The following POC1A variants were observed in gnomAD, a reference collection of about 807,000 sequenced individuals.
The protein encoded by POC1A is POC1 centriolar protein A.
A neutral mutation model predicts 47.8 loss-of-function variants in POC1A; 34 were observed. The ratio of observed to expected loss-of-function variants is 0.71; its 90% CI spans 0.54 to 0.95. POC1A has a LOEUF of 0.95. Ranked by LOEUF, POC1A falls within the 40% of genes least tolerant of loss-of-function variation. The pLI, the probability that POC1A is intolerant of heterozygous loss-of-function variation, is 0.00. For synonymous variants in POC1A, 177 were observed against 207.6 expected, an observed-to-expected ratio of 0.85 and a Z score of 1.27; for missense variants, 466 against 528.3, an observed-to-expected ratio of 0.88 and a Z score of 1.16.
At chr3:52,146,925 A>G (rs1577922249) in intron 5 of POC1A, 63 bp downstream of exon 5, 1 of 1,362,420 alleles carries the variant, frequency 7.3e-7, no homozygotes, top group East Asian at 2.3e-5. Flanking sequence ...GGGCCTCCTC[A>G]TGCCCAGGTC....
intron 8 of POC1A, among the ~76,000 whole-genome samples, chr3:52,123,163 T>A (rs1174191680): frequency 6.6e-6 from 1 of 152,152 alleles, no homozygotes; most frequent in East Asian, 1.9e-4. Context: ...ACACAGGAAG[T>A]ACTCAGCAAC....
rs760407202 is a variant in POC1A at position 52,084,710 on chromosome 3, C to T, written c.1126-8725G>A. Among the ~76,000 whole-genome samples, 11 of 152,246 alleles carry T rather than the reference C, an allele frequency of 7.2e-5. No individual in the cohort carries two copies. The highest frequency in any genetic ancestry group is 1.0e-4 in the Non-Finnish European group (7 of 68,040). ...CCCCTCTTCCCAGGGGCCTCCTGCTCACCTTGGCCAGGGCCCTTCCCCATA... is the reference window on the plus strand; with the variant it reads ...CCCCTCTTCCCAGGGGCCTCCTGCTTACCTTGGCCAGGGCCCTTCCCCATA... On this transcript the variant is annotated intron_variant, in intron 10 of 10. Transcript: ENST00000296484. The surrounding 1 kb of genome is among the most constrained non-coding windows in gnomAD (Gnocchi z 4.3).
At chr3:52,088,082 A>G (rs1171098289) in intron 10 of POC1A, among the ~76,000 whole-genome samples, 1 of 152,190 alleles carries the variant, frequency 6.6e-6, no homozygotes. Flanking sequence ...TTAGTTAACT[A>G]CTTTCCCAAG....
rs1403345677 is a variant in POC1A at position 52,087,103 on chromosome 3, G to C, written c.1125+9466C>G. On this transcript the variant is annotated intron_variant, in intron 10 of 10. Transcript: ENST00000296484. The stretch of plus-strand genomic sequence containing the variant: ...GCTTGAAGGGATAGAGGGAGAGTGG[G>C]GCGGGCAGTAGGAGGGGCAGGCCCC... Among the ~76,000 whole-genome samples the C allele has an allele frequency of 2.0e-5, 3 of 152,232 alleles. No homozygotes were observed. In the South Asian group the frequency reaches 6.2e-4, roughly 32 times the overall value.
intron 4 of POC1A, among the ~76,000 whole-genome samples, chr3:52,147,593 C>T (rs1287119336): frequency 6.6e-6 from 1 of 151,818 alleles, no homozygotes; most frequent in Non-Finnish European, 1.5e-5. Context: ...ACCACCACAC[C>T]CAGCTAATTT....
intron 5 of POC1A, 90 bp from the exon 6 acceptor site, chr3:52,146,051 G>A (rs1034022411): frequency 1.3e-6 from 1 of 744,240 alleles, no homozygotes; most frequent in African/African-American, 1.7e-5. Context: ...CCATCCCTGT[G>A]TCCTGCCCAC....
chr3:52,077,429 G>A (rs1702152006), intron 10 of POC1A, among the ~76,000 whole-genome samples: 1 of 152,262 alleles, frequency 6.6e-6, no homozygotes, highest in South Asian at 2.1e-4. Context: ...CATGGAGGGT[G>A]CTCCGCCTGG....
chr3:52,108,522 A>G (rs894260675), intron 9 of POC1A, among the ~76,000 whole-genome samples: 3 of 152,176 alleles, frequency 2.0e-5, no homozygotes, highest in African/African-American at 7.2e-5. Flanking sequence ...CTCTCCTTGC[A>G]CTTAGTTCAA....
At chr3:52,124,095 G>A (rs1043368342) in intron 8 of POC1A, among the ~76,000 whole-genome samples, 3 of 152,208 alleles carry the variant, frequency 2.0e-5, no homozygotes, top group Admixed American at 6.5e-5. Flanking sequence ...ACCAGGACTC[G>A]TATAGGCCAA....
rs1198499954 is a variant in POC1A at position 52,145,970 on chromosome 3, A to G, written c.564-9T>C. The stretch of plus-strand genomic sequence containing the variant: ...CCACATAGGTGACAAAGCTGGAAAG[A>G]CAGGGGCCACTATGCACTATAGGAG... On this transcript the variant is annotated splice_polypyrimidine_tract_variant and intron_variant, in intron 5 of 10. Coordinates refer to ENST00000296484, the MANE Select transcript of POC1A (RefSeq NM_015426.5). 1 of 1,553,230 alleles carries G rather than the reference A, an allele frequency of 6.4e-7. No individual in the cohort carries two copies. The highest frequency in any genetic ancestry group is 2.2e-5 in the East Asian group (1 of 44,566).
intron 7 of POC1A, among the ~76,000 whole-genome samples, chr3:52,133,958 C>T (rs1333147251): frequency 6.6e-6 from 1 of 152,224 alleles, no homozygotes; most frequent in Non-Finnish European, 1.5e-5. Context: ...CCCTCTCTCT[C>T]GCAGCTCTCC....
chr3:52,101,107 A>AC (rs1219015242), intron 9 of POC1A, among the ~76,000 whole-genome samples: 2 of 151,670 alleles, frequency 1.3e-5, no homozygotes, highest in African/African-American at 4.8e-5. Context: ...AAAAAAAAAA[A>AC]AAATATCAAG....
At chr3:52,152,161 G>A in intron 1 of POC1A, among the ~76,000 whole-genome samples, 1 of 152,154 alleles carries the variant, frequency 6.6e-6, no homozygotes, top group East Asian at 1.9e-4. Flanking sequence ...TGTATTCTCA[G>A]CTACTCAGGA....
intron 5 of POC1A, 25 bp from the exon 6 acceptor site, chr3:52,145,986 A>C (rs771858613): frequency 1.4e-6 from 2 of 1,413,162 alleles, no homozygotes; most frequent in African/African-American, 1.4e-5. Context: ...GCCACTATGC[A>C]CTATAGGAGG....
At chr3:52,123,012 G>C (rs12486725) in intron 8 of POC1A, among the ~76,000 whole-genome samples, 1 of 152,238 alleles carries the variant, frequency 6.6e-6, no homozygotes, top group Non-Finnish European at 1.5e-5. Flanking sequence ...CTCCAGGCCA[G>C]AACACTCCTT....
Position 52,082,196 on chromosome 3 carries a change from G to A in POC1A, c.1126-6211C>T, listed in dbSNP as rs563457333. ...GAGGAGGGAAGGAAGAGGGGGGAGT[G>A]GGGAGGGCAGTGGACCCACAAGGGC... On this transcript the variant is annotated intron_variant, in intron 10 of 10. Transcript: ENST00000296484. 4.6e-5 allele frequency among the ~76,000 whole-genome samples: 7 copies of A among 152,222 alleles called. No individual in the cohort carries two copies. In the South Asian group the frequency reaches 1.2e-3, roughly 27 times the overall value.
intron 10 of POC1A, among the ~76,000 whole-genome samples, chr3:52,086,146 C>CT (rs897813925): frequency 1.3e-5 from 2 of 152,176 alleles, no homozygotes; most frequent in Admixed American, 1.3e-4. Flanking sequence ...CTCCAGTCTC[C>CT]TCCCCACCAA....
chr3:52,095,758 G>A lies in POC1A; in HGVS notation c.1125+811C>T, dbSNP rs964902282. Among the ~76,000 whole-genome samples, 6 of 152,176 alleles carry A rather than the reference G, an allele frequency of 3.9e-5. No individual in the cohort carries two copies. The South Asian group carries it at 6.2e-4, about 16-fold the overall frequency. ...CTGGAGCTTCACTCATTCCCTGGAC[G>A]TGCCCATGGCCTCTCCAGAGCCACA... On this transcript the variant is annotated intron_variant, in intron 10 of 10. Coordinates refer to ENST00000296484, the MANE Select transcript of POC1A (RefSeq NM_015426.5).
chr3:52,106,908 C>A (rs1308752485), intron 9 of POC1A, among the ~76,000 whole-genome samples: 1 of 152,250 alleles, frequency 6.6e-6, no homozygotes, highest in African/African-American at 2.4e-5. Flanking sequence ...TTCCCCCACA[C>A]AAAGGGGTGA....
Sources: allele counts gnomAD v4.1 joint callset (sites outside exome capture counted in the v4.1 genomes callset), GRCh38; gene constraint gnomAD v4.1.1; non-coding constraint Gnocchi (gnomAD v3.1); transcripts MANE v1.5; gene names NCBI Gene and HGNC (gene_info 2026-07-23, HGNC 2026-07-21).